PDE8A: variants seen among roughly 807,000 people sequenced by gnomAD.
PDE8A encodes the protein phosphodiesterase 8A.
PDE8A carries 59 observed loss-of-function variants against 105.0 expected under a neutral mutation model. That is an observed-to-expected ratio of 0.56 (90% CI 0.46 to 0.70). The LOEUF is 0.70. PDE8A is among the 30% of genes least tolerant of loss of function. The probability of loss-of-function intolerance (pLI) is 0.00; values close to 1 mark genes in which losing one functional copy is unlikely to be tolerated. For synonymous variants in PDE8A, 355 were observed against 371.9 expected, an observed-to-expected ratio of 0.95 and a Z score of 0.52; for missense variants, 1,014 against 1,045.9, an observed-to-expected ratio of 0.97 and a Z score of 0.42.
chr15:85,053,269 T>C (rs953064638), intron 1 of PDE8A, among the ~76,000 whole-genome samples: 15 of 152,358 alleles, frequency 9.8e-5, no homozygotes, highest in African/African-American at 3.6e-4. Flanking sequence ...CCTCCAACTT[T>C]GTTCTTTTGG....
intron 5 of PDE8A, among the ~76,000 whole-genome samples, chr15:85,078,348 C>A (rs751330381): frequency 6.6e-6 from 1 of 151,728 alleles, no homozygotes; most frequent in Non-Finnish European, 1.5e-5. Context: ...GAGATTGAGA[C>A]CATCCTGGCC....
At chr15:85,041,419 G>A (rs759796626) in intron 1 of PDE8A, among the ~76,000 whole-genome samples, 3 of 152,214 alleles carry the variant, frequency 2.0e-5, no homozygotes, top group Non-Finnish European at 2.9e-5. Flanking sequence ...AAGGCCAAGA[G>A]CAGCCCCACA....
In PDE8A at chr15:85,115,439, G is replaced by C. The variant is rs368543573; in HGVS notation, c.1351G>C (p.Asp451His). 5.2e-6 allele frequency: 8 copies of C among 1,539,210 alleles called. No homozygotes were observed. The African/African-American group carries it at 9.9e-5, about 19-fold the overall frequency. ...ANDLVGGLMS[D>H]GLRRLSGNEY... is the part of the protein sequence containing the mutation. The stretch of plus-strand genomic sequence containing the variant: ...TTCTTGTTTCCTTGATTTTTATCAG[G>C]ATGGTTTGCGAAGACTATCAGGGAA... Residue 451 changes from aspartate (D) to histidine (H), a missense_variant and splice_region_variant, in exon 15 of 22, where the codon GAT (aspartate) becomes CAT (histidine). Coordinates refer to ENST00000394553, the MANE Select transcript of PDE8A (RefSeq NM_002605.3).
chr15:85,067,264 T>C lies in PDE8A; in HGVS notation c.434+60T>C, dbSNP rs543283934. The C allele has an allele frequency of 2.1e-5, 25 of 1,196,890 alleles. No individual in the cohort carries two copies. In the African/African-American group the frequency reaches 3.2e-4, roughly 15 times the overall value. The allele number at this position is 1,196,890 out of a possible 1,614,324, so 74.1% of individuals were successfully genotyped here. ...GGCCTTTCTGACAATACATGCAGCC[T>C]AGAAATAGATTAAATTAGACTCACT... On this transcript the variant is annotated intron_variant, in intron 3 of 21. Transcript: ENST00000394553.
chr15:85,002,737 C>A (rs1246371777), intron 1 of PDE8A, among the ~76,000 whole-genome samples: 1 of 152,192 alleles, frequency 6.6e-6, no homozygotes, highest in African/African-American at 2.4e-5. Context: ...TGGTAACCAG[C>A]ACCCCATCTT....
intron 1 of PDE8A, among the ~76,000 whole-genome samples, chr15:85,001,177 A>G (rs150281095): frequency 7.8e-4 from 118 of 152,256 alleles, no homozygotes; most frequent in African/African-American, 2.7e-3. Flanking sequence ...CAGGGACTTG[A>G]TAACCTCTGG....
chr15:85,108,784 A>G (rs898703619), intron 11 of PDE8A, among the ~76,000 whole-genome samples: 14 of 152,292 alleles, frequency 9.2e-5, no homozygotes, highest in African/African-American at 2.2e-4. Context: ...GGTCATTTCT[A>G]TCAGTTGTCA....
At chr15:85,105,323 G>A (rs28515053) in intron 11 of PDE8A, among the ~76,000 whole-genome samples, 7,831 of 152,180 alleles carry the variant, frequency 0.051, 357 homozygotes, top group African/African-American at 0.12. Flanking sequence ...TTGGCAGTTT[G>A]GAGGTGGCCC....
intron 2 of PDE8A, among the ~76,000 whole-genome samples, chr15:85,065,227 T>C (rs370101053): frequency 6.2e-4 from 94 of 151,230 alleles, no homozygotes; most frequent in South Asian, 2.7e-3. Context: ...AGAGAAGATA[T>C]CTGTAATTTA....
chr15:85,089,543 A>T (rs2081608297), intron 7 of PDE8A, 127 bp downstream of exon 7: 4 of 546,198 alleles, frequency 7.3e-6, no homozygotes, highest in Non-Finnish European at 1.3e-5. Flanking sequence ...TTTTCCTTCG[A>T]GGATTATCAG....
chr15:85,120,981 A>T lies in PDE8A; in HGVS notation c.1919A>T (p.Asp640Val). 6.2e-7 allele frequency: 1 copy of T among 1,612,398 alleles called. No homozygotes were observed. The highest frequency in any genetic ancestry group is 8.5e-7 in the Non-Finnish European group (1 of 1,178,752). ...AALAFQLTTG[D>V]DKCNIFKNME... The stretch of plus-strand genomic sequence containing the variant: ...TTGGCCTTCCAGCTGACCACTGGAG[A>T]TGATAAATGCAATATATTTAAAAAC... The change falls in exon 18 of 22, where the codon GAT (aspartate) becomes GTT (valine). Residue 640 changes from aspartate to valine, a missense_variant. Asp to Val is a radical substitution (Grantham distance 152, BLOSUM62 -3). Transcript: ENST00000394553.
chr15:85,022,786 C>T (rs746697458), intron 1 of PDE8A, among the ~76,000 whole-genome samples: 1 of 152,050 alleles, frequency 6.6e-6, no homozygotes, highest in Non-Finnish European at 1.5e-5. Context: ...CTCCTGACCT[C>T]TGATGATCTG....
At chr15:85,114,112 A>G in intron 14 of PDE8A, 75 bp downstream of exon 14, 2 of 1,297,408 alleles carry the variant, frequency 1.5e-6, no homozygotes, top group Non-Finnish European at 2.2e-6. Context: ...ATTCACTTAA[A>G]CAGATATTGA....
rs750469781 is a variant in PDE8A, at chr15:85,137,864, C to A, written c.2451C>A (p.Asp817Glu). The stretch of plus-strand genomic sequence containing the variant: ...ACTTTAAATACTGGAAAGGACTGGA[C>A]GAAATGAAGCTGCGGAACCTCCGAC... ...DNNFKYWKGLDEMKLRNLRPP... is the reference protein window; with the variant it reads ...DNNFKYWKGLEEMKLRNLRPP... Residue 817 changes from aspartate (D) to glutamate (E), a missense_variant, in exon 22 of 22, where the codon GAC (aspartate) becomes GAA (glutamate). Asp to Glu is a conservative substitution (Grantham distance 45). Transcript: ENST00000394553. The A allele has an allele frequency of 3.7e-6, 6 of 1,613,144 alleles. No homozygotes were observed. The highest frequency in any genetic ancestry group is 2.7e-5 in the African/African-American group (2 of 74,914).
rs564786438 is a variant in PDE8A at position 85,068,457 on chromosome 15, C to G, written c.434+1253C>G. Among the ~76,000 whole-genome samples the G allele has an allele frequency of 1.5e-4, 23 of 152,266 alleles. No individual in the cohort carries two copies. The East Asian group carries it at 4.2e-3, about 28-fold the overall frequency. On this transcript the variant is annotated intron_variant, in intron 3 of 21. Coordinates refer to ENST00000394553, the MANE Select transcript of PDE8A (RefSeq NM_002605.3). ...GCCAGGAAAAAGGGAGGTCCAGGTC[C>G]TTGTTTGGCTCTTCCTGGATAGCTG...
rs564777153 is a variant in PDE8A at position 85,060,765 on chromosome 15, T to C, written c.187-3605T>C. Among the ~76,000 whole-genome samples the C allele has an allele frequency of 9.5e-4, 145 of 152,300 alleles. 1 individual carries two copies. Among genetic ancestry groups the C allele is most frequent in the African/African-American group, 3.4e-3 (140 of 41,574 alleles). On this transcript the variant is annotated intron_variant, in intron 1 of 21. Coordinates refer to ENST00000394553, the MANE Select transcript of PDE8A (RefSeq NM_002605.3). Reference sequence around the variant, plus strand: ...ACTTCCTTTTAGACCAATGATTTTTTTTTTCCACCAAACTGTATTCATCTC... The same window carrying C: ...ACTTCCTTTTAGACCAATGATTTTTCTTTTCCACCAAACTGTATTCATCTC...
chr15:85,138,700 C>G lies in PDE8A; in HGVS notation c.*797C>G, dbSNP rs574158484. On this transcript the variant is annotated 3_prime_UTR_variant, in exon 22 of 22. Transcript: ENST00000394553. ...TTCTAAGTGCTAAAGAAGGCTGCTT[C>G]TACTGTATAGAACCCAGGGCTCTGA... The G allele has an allele frequency of 3.3e-5, 5 of 152,200 alleles. No homozygotes were observed. Among genetic ancestry groups the G allele is most frequent in the Admixed American group, 6.5e-5 (1 of 15,276 alleles). The allele number at this position is 152,200 out of a possible 1,614,324, so 9.4% of individuals were successfully genotyped here. A position where few individuals can be genotyped will look rare whatever the true frequency, so the allele number is the denominator to read the frequency against.
In PDE8A at chr15:85,015,965, G is replaced by C. The variant is rs535925563; in HGVS notation, c.186+33617G>C. ...AGCCTGGCCAACATGGCAAAACCTCGTCTCTATTAAAAATACAAAAATGTG... is the reference window on the plus strand; with the variant it reads ...AGCCTGGCCAACATGGCAAAACCTCCTCTCTATTAAAAATACAAAAATGTG... On this transcript the variant is annotated intron_variant, in intron 1 of 21. Coordinates refer to ENST00000394553, the MANE Select transcript of PDE8A (RefSeq NM_002605.3). Among the ~76,000 whole-genome samples, 8 of 152,144 alleles carry C rather than the reference G, an allele frequency of 5.3e-5. No homozygotes were observed. The East Asian group carries it at 7.7e-4, about 15-fold the overall frequency.
In PDE8A at chr15:85,067,339, C is replaced by T. The variant is rs562382562; in HGVS notation, c.434+135C>T. 23 of 581,614 alleles carry T rather than the reference C, an allele frequency of 4.0e-5. No individual in the cohort carries two copies. In the East Asian group the frequency reaches 5.1e-4, roughly 13 times the overall value. The allele number at this position is 581,614 out of a possible 1,614,324, so 36.0% of individuals were successfully genotyped here. A position where few individuals can be genotyped will look rare whatever the true frequency, so the allele number is the denominator to read the frequency against. ...TGTGAAATAAACAAAATATTAGAAC[C>T]TCACTATTTATAGGACTGATGCATA... On this transcript the variant is annotated intron_variant, in intron 3 of 21. Coordinates refer to ENST00000394553, the MANE Select transcript of PDE8A (RefSeq NM_002605.3).
Sources: gnomAD v4.1 joint callset for allele counts (sites outside exome capture counted in the v4.1 genomes callset) on GRCh38, gnomAD v4.1.1 for gene constraint, MANE v1.5 for transcripts, NCBI Gene and HGNC (gene_info 2026-07-23, HGNC 2026-07-21) for gene names.